Variants in KCND2 observed in about 807,000 individuals in gnomAD.
KCND2 encodes the protein A-type voltage-gated potassium channel KCND2.
A neutral mutation model predicts 54.4 loss-of-function variants in KCND2; 16 were observed. That is an observed-to-expected ratio of 0.29 (90% CI 0.20 to 0.45). The LOEUF is 0.45. KCND2 is among the 20% of genes least tolerant of loss of function. The pLI is 1.00. For missense variants in KCND2, 486 were observed against 824.2 expected, an observed-to-expected ratio of 0.59 and a Z score of 5.02; for synonymous variants, 317 against 310.7, an observed-to-expected ratio of 1.02 and a Z score of -0.21.
At chr7:120,301,898 A>G (rs1799589976) in intron 1 of KCND2, among the ~76,000 whole-genome samples, 1 of 152,164 alleles carries the variant, frequency 6.6e-6, no homozygotes, top group Admixed American at 6.6e-5. Context: ...AGAGGTAACC[A>G]TATGATAACT....
chr7:120,374,829 C>T (rs1178803609), intron 1 of KCND2, among the ~76,000 whole-genome samples: 4 of 151,830 alleles, frequency 2.6e-5, no homozygotes, highest in Admixed American at 2.0e-4. Flanking sequence ...CCTTCACCCA[C>T]GCTGCTAGAT....
chr7:120,504,813 T>C (rs1479251700), intron 1 of KCND2, among the ~76,000 whole-genome samples: 1 of 151,704 alleles, frequency 6.6e-6, no homozygotes, highest in Non-Finnish European at 1.5e-5. Context: ...TTTTTGTACC[T>C]GTGGTAAGTT....
At chr7:120,563,568 C>A (rs915970255) in intron 1 of KCND2, among the ~76,000 whole-genome samples, 1 of 152,164 alleles carries the variant, frequency 6.6e-6, no homozygotes, top group Non-Finnish European at 1.5e-5. Flanking sequence ...AAATCAATAT[C>A]TTCAATGTCT....
chr7:120,475,621 A>G (rs970081393), intron 1 of KCND2, among the ~76,000 whole-genome samples: 2 of 152,204 alleles, frequency 1.3e-5, no homozygotes, highest in African/African-American at 4.8e-5. Context: ...GCGATGTCAA[A>G]TAACAACATG....
At chr7:120,708,066 C>T (rs910616869) in intron 1 of KCND2, among the ~76,000 whole-genome samples, 8 of 151,794 alleles carry the variant, frequency 5.3e-5, no homozygotes, top group African/African-American at 1.9e-4. Context: ...ACAAGAGACA[C>T]CAATAATATG....
chr7:120,548,467 C>T (rs1224065140), intron 1 of KCND2, among the ~76,000 whole-genome samples: 1 of 152,060 alleles, frequency 6.6e-6, no homozygotes, highest in Non-Finnish European at 1.5e-5. Flanking sequence ...AGCCCTGCCT[C>T]CTCAAAAAAT....
At chr7:120,436,559 G>T (rs1314589015) in intron 1 of KCND2, among the ~76,000 whole-genome samples, 1 of 152,098 alleles carries the variant, frequency 6.6e-6, no homozygotes, top group Non-Finnish European at 1.5e-5. Flanking sequence ...CTGGGCCCTG[G>T]TTTCATCAAG....
intron 1 of KCND2, among the ~76,000 whole-genome samples, chr7:120,452,391 A>G (rs1193854593): frequency 6.6e-6 from 1 of 152,208 alleles, no homozygotes; most frequent in Non-Finnish European, 1.5e-5. Context: ...AACTAGACAC[A>G]GCCATTTGGA....
At chr7:120,361,542 T>C (rs539702626) in intron 1 of KCND2, among the ~76,000 whole-genome samples, 6 of 152,088 alleles carry the variant, frequency 3.9e-5, no homozygotes, top group Non-Finnish European at 8.8e-5. Flanking sequence ...TATTTGAGGA[T>C]GGAGAGTTGG....
At chr7:120,533,102 C>CA (rs1791862309) in intron 1 of KCND2, among the ~76,000 whole-genome samples, 1 of 152,000 alleles carries the variant, frequency 6.6e-6, no homozygotes, top group Non-Finnish European at 1.5e-5. Flanking sequence ...TTAAATAAAT[C>CA]ACTGCCCACT....
intron 1 of KCND2, among the ~76,000 whole-genome samples, chr7:120,482,514 G>A (rs1802620840): frequency 6.6e-6 from 1 of 152,008 alleles, no homozygotes; most frequent in Non-Finnish European, 1.5e-5. Context: ...TCATGTGTTG[G>A]AAACTTATTC....
At chr7:120,528,367 TA>T (rs1405649392) in intron 1 of KCND2, among the ~76,000 whole-genome samples, 1 of 152,098 alleles carries the variant, frequency 6.6e-6, no homozygotes, top group African/African-American at 2.4e-5. Context: ...ATTTATTATT[TA>T]AAAAAACAAA....
chr7:120,361,727 G>A (rs1045900026), intron 1 of KCND2, among the ~76,000 whole-genome samples: 1 of 152,068 alleles, frequency 6.6e-6, no homozygotes, highest in East Asian at 1.9e-4. Flanking sequence ...ATATTGATTT[G>A]CTATTAAATA....
chr7:120,619,291 A>G (rs1238325564), intron 1 of KCND2, among the ~76,000 whole-genome samples: 1 of 152,168 alleles, frequency 6.6e-6, no homozygotes, highest in Non-Finnish European at 1.5e-5. Flanking sequence ...TTAGCGGGAC[A>G]TGGTAGCATG....
At chr7:120,518,022 T>G (rs1803220419) in intron 1 of KCND2, among the ~76,000 whole-genome samples, 1 of 152,136 alleles carries the variant, frequency 6.6e-6, no homozygotes, top group African/African-American at 2.4e-5. Flanking sequence ...TTTGCGATCC[T>G]CATGGCCCAA....
intron 1 of KCND2, among the ~76,000 whole-genome samples, chr7:120,583,356 T>C (rs1446657304): frequency 2.0e-5 from 3 of 152,204 alleles, no homozygotes; most frequent in Non-Finnish European, 4.4e-5. Context: ...AATGTGGATA[T>C]AATGTTAGTC....
chr7:120,446,382 A>C (rs1008667941), intron 1 of KCND2, among the ~76,000 whole-genome samples: 2 of 152,188 alleles, frequency 1.3e-5, no homozygotes, highest in African/African-American at 4.8e-5. Flanking sequence ...ACAAATAATT[A>C]TTAGTAGATA....
intron 1 of KCND2, among the ~76,000 whole-genome samples, chr7:120,685,385 T>A (rs1792187587): frequency 6.6e-6 from 1 of 152,072 alleles, no homozygotes; most frequent in African/African-American, 2.4e-5. Context: ...AGCGCATGAG[T>A]CTGTCCAGGT....
intron 1 of KCND2, among the ~76,000 whole-genome samples, chr7:120,414,422 A>G (rs1801497016): frequency 6.6e-6 from 1 of 152,176 alleles, no homozygotes; most frequent in Non-Finnish European, 1.5e-5. Context: ...CATTTAATTA[A>G]CATTTATTGA....
Sources: gnomAD v4.1 joint callset for allele counts (sites outside exome capture counted in the v4.1 genomes callset) on GRCh38, gnomAD v4.1.1 for gene constraint, MANE v1.5 for transcripts, NCBI Gene and HGNC (gene_info 2026-07-23, HGNC 2026-07-21) for gene names.